The following LRPPRC variants were observed in gnomAD, a reference collection of about 807,000 sequenced individuals.
LRPPRC encodes leucine rich pentatricopeptide repeat containing.
A neutral mutation model predicts 180.3 loss-of-function variants in LRPPRC; 120 were observed. The ratio of observed to expected loss-of-function variants is 0.67; its 90% CI spans 0.57 to 0.77. The LOEUF is 0.77. Among genes scored for constraint, LRPPRC ranks in the 30% least tolerant of loss-of-function variants. The probability of loss-of-function intolerance (pLI) is 0.00; values close to 1 mark genes in which losing one functional copy is unlikely to be tolerated. For missense variants in LRPPRC, 2,012 were observed against 1,657.2 expected (o/e 1.21, Z -3.72); for synonymous variants, 723 against 600.0 (o/e 1.21, Z -3.00).
chr2:43,955,194 G>A (rs531633130), intron 14 of LRPPRC, among the ~76,000 whole-genome samples: 2 of 152,190 alleles, frequency 1.3e-5, no homozygotes, highest in Non-Finnish European at 2.9e-5. Context: ...GGCAGCAGGT[G>A]CAGAGGCTCA....
intron 1 of LRPPRC, among the ~76,000 whole-genome samples, chr2:43,987,286 G>C (rs1263145722): frequency 6.6e-6 from 1 of 152,000 alleles, no homozygotes; most frequent in Non-Finnish European, 1.5e-5. Flanking sequence ...ACGAGGTCAG[G>C]AGATTGAGAC....
chr2:43,914,118 G>C (rs1183947445), intron 29 of LRPPRC, among the ~76,000 whole-genome samples: 1 of 152,156 alleles, frequency 6.6e-6, no homozygotes, highest in Non-Finnish European at 1.5e-5. Flanking sequence ...AAGATGTAAT[G>C]CAATTATTGT....
intron 29 of LRPPRC, among the ~76,000 whole-genome samples, chr2:43,915,577 G>C (rs1051047146): frequency 6.6e-6 from 1 of 152,028 alleles, no homozygotes; most frequent in Non-Finnish European, 1.5e-5. Flanking sequence ...CCAGCTACTT[G>C]AGAGGCTGAG....
At position 43,887,459 on chromosome 2, in the gene LRPPRC, A is replaced by G. The variant is rs1212501225; in HGVS notation, c.*1141T>C. 2.0e-5 allele frequency: 3 copies of G among 152,352 alleles called. No homozygotes were observed. The highest frequency in any genetic ancestry group is 1.3e-4 in the Admixed American group (2 of 15,294). 9.4% of individuals were successfully genotyped at this position (152,352 alleles called of 1,614,324 possible). On this transcript the variant is annotated 3_prime_UTR_variant, in exon 38 of 38. Coordinates refer to ENST00000260665, the MANE Select transcript of LRPPRC (RefSeq NM_133259.4). ...AGCACAAGTTGCAAGAGGCCCGCCT[A>G]CGTCCCCAAGGCAAGGTCTCCCCTG...
intron 25 of LRPPRC, among the ~76,000 whole-genome samples, chr2:43,930,443 G>C (rs1672047640): frequency 6.6e-6 from 1 of 152,128 alleles, no homozygotes; most frequent in South Asian, 2.1e-4. Flanking sequence ...AAGCGTTCCA[G>C]ATTTCAGATT....
chr2:43,929,416 T>TA (rs1444697494), intron 25 of LRPPRC, among the ~76,000 whole-genome samples: 26 of 152,226 alleles, frequency 1.7e-4, no homozygotes, highest in African/African-American at 5.5e-4. Flanking sequence ...TAAGTTTTGA[T>TA]AAATGTTAAC....
At chr2:43,927,755 G>C (rs1050942730) in intron 25 of LRPPRC, among the ~76,000 whole-genome samples, 1 of 152,154 alleles carries the variant, frequency 6.6e-6, no homozygotes, top group African/African-American at 2.4e-5. Flanking sequence ...TAATCTGCCT[G>C]TCTTTGGCAG....
intron 29 of LRPPRC, among the ~76,000 whole-genome samples, chr2:43,917,706 G>A (rs1358852826): frequency 6.6e-6 from 1 of 151,960 alleles, no homozygotes; most frequent in African/African-American, 2.4e-5. Context: ...GGAAAATGGC[G>A]TGAACCCAGA....
At chr2:43,939,322 C>T (rs919611846) in intron 23 of LRPPRC, among the ~76,000 whole-genome samples, 1 of 149,260 alleles carries the variant, frequency 6.7e-6, no homozygotes, top group African/African-American at 2.5e-5. Flanking sequence ...ACAACAACAA[C>T]AAAAAACGAA....
intron 23 of LRPPRC, among the ~76,000 whole-genome samples, chr2:43,938,336 T>C (rs749858012): frequency 1.3e-5 from 2 of 152,172 alleles, no homozygotes; most frequent in Admixed American, 6.5e-5. Flanking sequence ...TTTACCAAAA[T>C]TCTGTAAGTC....
intron 25 of LRPPRC, among the ~76,000 whole-genome samples, chr2:43,930,097 A>T (rs1347782550): frequency 6.6e-6 from 1 of 152,202 alleles, no homozygotes; most frequent in Non-Finnish European, 1.5e-5. Flanking sequence ...AGGAAGAGTA[A>T]CAAAGACTGG....
chr2:43,894,899 T>C (rs1670625840), intron 35 of LRPPRC, among the ~76,000 whole-genome samples: 1 of 152,218 alleles, frequency 6.6e-6, no homozygotes, highest in African/African-American at 2.4e-5. Flanking sequence ...ACATTGCTTC[T>C]TTTGTCAAGT....
chr2:43,977,400 G>C lies in LRPPRC; in HGVS notation c.470-124C>G, dbSNP rs139314250. ...CTTTAGCATTTCACCCATCCATCTT[G>C]GCGCTCAGACCTATCTACACAGATA... is the stretch of plus-strand genomic sequence containing the variant. On this transcript the variant is annotated intron_variant, in intron 3 of 37. Transcript: ENST00000260665. 7.5e-4 allele frequency: 554 copies of C among 743,546 alleles called. 1 individual carries two copies. The African/African-American group carries it at 8.0e-3, about 11-fold the overall frequency. 46.1% of individuals were successfully genotyped at this position (743,546 alleles called of 1,614,324 possible). A position where few individuals can be genotyped will look rare whatever the true frequency, so the allele number is the denominator to read the frequency against.
intron 35 of LRPPRC, among the ~76,000 whole-genome samples, chr2:43,895,635 C>T (rs1670650728): frequency 6.6e-6 from 1 of 152,112 alleles, no homozygotes; most frequent in African/African-American, 2.4e-5. Context: ...ACATGAGTCA[C>T]AGATGCAATG....
intron 30 of LRPPRC, 95 bp from the exon 31 acceptor site, chr2:43,905,875 T>G (rs565494739): frequency 1.6e-5 from 14 of 850,540 alleles, no homozygotes; most frequent in Non-Finnish European, 2.8e-5. Flanking sequence ...AAAACTACTG[T>G]TCGTATGTTA....
intron 23 of LRPPRC, among the ~76,000 whole-genome samples, chr2:43,938,399 A>T (rs75451224): frequency 0.022 from 3,348 of 152,298 alleles, 132 homozygotes; most frequent in African/African-American, 0.076. Flanking sequence ...AAATTTTAAG[A>T]ACATATATAT....
At chr2:43,895,163 A>G (rs1220527558) in intron 35 of LRPPRC, among the ~76,000 whole-genome samples, 2 of 152,170 alleles carry the variant, frequency 1.3e-5, no homozygotes, top group South Asian at 2.1e-4. Flanking sequence ...GCCGTAATGA[A>G]TATCTGCTGA....
At chr2:43,897,702 G>T (rs114996370) in intron 34 of LRPPRC, among the ~76,000 whole-genome samples, 2 of 151,942 alleles carry the variant, frequency 1.3e-5, no homozygotes, top group Admixed American at 1.3e-4. Flanking sequence ...CTTCAGTGAG[G>T]TCACTGCAGA....
chr2:43,942,813 G>C (rs540349617), intron 23 of LRPPRC, among the ~76,000 whole-genome samples: 56 of 152,080 alleles, frequency 3.7e-4, no homozygotes, highest in African/African-American at 1.3e-3. Context: ...CCTGTTAATT[G>C]AACTAAAGAA....
Sources: gnomAD v4.1 joint callset for allele counts (sites outside exome capture counted in the v4.1 genomes callset) on GRCh38, gnomAD v4.1.1 for gene constraint, MANE v1.5 for transcripts, NCBI Gene and HGNC (gene_info 2026-07-23, HGNC 2026-07-21) for gene names.